SLIT2: variants seen among roughly 807,000 people sequenced by gnomAD.
SLIT2 encodes the protein slit guidance ligand 2.
SLIT2 carries 41 observed loss-of-function variants against 185.7 expected under a neutral mutation model. The observed-to-expected ratio is 0.22, with a 90% CI of 0.17 to 0.29. The LOEUF is 0.29. SLIT2 is among the 10% of genes least tolerant of loss of function. SLIT2 has a pLI of 1.00. For missense variants in SLIT2, 1,571 were observed against 1,909.0 expected (o/e 0.82, Z 3.30); for synonymous variants, 693 against 680.2 (o/e 1.02, Z -0.29).
intron 4 of SLIT2, among the ~76,000 whole-genome samples, chr4:20,351,656 G>C (rs562977054): frequency 6.6e-6 from 1 of 152,098 alleles, no homozygotes; most frequent in Admixed American, 6.6e-5. Context: ...GGGGAAGCAG[G>C]GTCACATGGA....
At chr4:20,280,552 A>G (rs1363712792) in intron 4 of SLIT2, among the ~76,000 whole-genome samples, 1 of 152,094 alleles carries the variant, frequency 6.6e-6, no homozygotes, top group African/African-American at 2.4e-5. Context: ...ATTTAGCAGA[A>G]GGCCTCCAAG....
At position 20,608,916 on chromosome 4, in the gene SLIT2, C is replaced by G. The variant is rs139082715; in HGVS notation, c.3693-1097C>G. The stretch of plus-strand genomic sequence containing the variant: ...CATGTTGGAGCCTTTTTCAGTCTTC[C>G]CAGTATCCCAGCATGTTAGATCTTT... On this transcript the variant is annotated intron_variant, in intron 33 of 36. Transcript: ENST00000504154. Among the ~76,000 whole-genome samples, 22 of 152,214 alleles carry G rather than the reference C, an allele frequency of 1.4e-4. No homozygotes were observed. In the East Asian group the frequency reaches 3.3e-3, roughly 23 times the overall value.
chr4:20,325,613 A>T (rs1310540946), intron 4 of SLIT2, among the ~76,000 whole-genome samples: 1 of 152,106 alleles, frequency 6.6e-6, no homozygotes, highest in Non-Finnish European at 1.5e-5. Flanking sequence ...GCATGTACTT[A>T]TTTTAAAGCA....
chr4:20,566,182 CTT>C (rs1303656225), intron 26 of SLIT2, among the ~76,000 whole-genome samples: 39 of 152,102 alleles, frequency 2.6e-4, no homozygotes, highest in African/African-American at 9.4e-4. Flanking sequence ...ATCCACATAA[CTT>C]TGCTAGAAAT....
chr4:20,567,811 G>A (rs887410614), intron 28 of SLIT2, among the ~76,000 whole-genome samples, 196 bp downstream of exon 28: 1 of 152,034 alleles, frequency 6.6e-6, no homozygotes, highest in Non-Finnish European at 1.5e-5. Flanking sequence ...CTCAGCACAG[G>A]ATGCTACAAA....
rs187913711 is a variant in SLIT2 at position 20,372,107 on chromosome 4, C to T, written c.396-95645C>T. On this transcript the variant is annotated intron_variant, in intron 4 of 36. Transcript: ENST00000504154. ...CCCACTTTTAGAGTTTAACATCTTA[C>T]ATTTACTGAGTACTCTTTATAGGTA... is the stretch of plus-strand genomic sequence containing the variant. Among the ~76,000 whole-genome samples, 6 of 152,234 alleles carry T rather than the reference C, an allele frequency of 3.9e-5. No individual in the cohort carries two copies. In the East Asian group the frequency reaches 1.2e-3, roughly 29 times the overall value.
intron 4 of SLIT2, among the ~76,000 whole-genome samples, chr4:20,304,220 T>G (rs1717322767): frequency 6.6e-6 from 1 of 152,180 alleles, no homozygotes; most frequent in Non-Finnish European, 1.5e-5. Flanking sequence ...TGAATGATGC[T>G]ACTTATCCCC....
intron 3 of SLIT2, among the ~76,000 whole-genome samples, chr4:20,261,635 A>G (rs980487091): frequency 6.6e-6 from 1 of 151,878 alleles, no homozygotes; most frequent in African/African-American, 2.4e-5. Flanking sequence ...AATTTCCTTG[A>G]TAATACAAAT....
intron 4 of SLIT2, among the ~76,000 whole-genome samples, chr4:20,312,217 T>C (rs2109137604): frequency 6.6e-6 from 1 of 152,316 alleles, no homozygotes; most frequent in African/African-American, 2.4e-5. Flanking sequence ...AGTTACAGTA[T>C]GGAAAATTTG....
rs115439099 is a variant in SLIT2, at chr4:20,299,688, T to G, written c.395+30807T>G. ...TTTTTAGTTTTGTGATGTGAGGTGA[T>G]GTGATGGTCAAAAATGTGGACTTTT... On this transcript the variant is annotated intron_variant, in intron 4 of 36. Coordinates refer to ENST00000504154, the MANE Select transcript of SLIT2 (RefSeq NM_004787.4). 4.1e-3 allele frequency among the ~76,000 whole-genome samples: 627 copies of G among 151,574 alleles called. 4 individuals carry two copies. The highest frequency in any genetic ancestry group is 0.014 in the African/African-American group (580 of 41,406).
chr4:20,617,733 GAA>G (rs66600811), intron 36 of SLIT2, 83 bp downstream of exon 36: 21,817 of 490,012 alleles, frequency 0.045, 5 homozygotes, highest in East Asian at 0.09. Flanking sequence ...GAGAAAAAGT[GAA>G]AAAAAAAAAA....
At chr4:20,432,068 TGAAG>T (rs943832758) in intron 4 of SLIT2, among the ~76,000 whole-genome samples, 13 of 151,606 alleles carry the variant, frequency 8.6e-5, no homozygotes, top group Admixed American at 4.0e-4. Flanking sequence ...TGTGAATGAA[TGAAG>T]GAAGGAAGGA....
At chr4:20,259,683 T>C (rs1030120264) in intron 3 of SLIT2, among the ~76,000 whole-genome samples, 11 of 151,936 alleles carry the variant, frequency 7.2e-5, no homozygotes, top group African/African-American at 2.6e-4. Flanking sequence ...TGTAAGTAGG[T>C]ACTATTTTTT....
At position 20,300,927 on chromosome 4, in the gene SLIT2, T is replaced by A. The variant is rs542503536; in HGVS notation, c.395+32046T>A. ...TTTGATTTTGAAAAAAAAATGGATA[T>A]GGTATACATCGTTTTCTAATTTTAA... On this transcript the variant is annotated intron_variant, in intron 4 of 36. Transcript: ENST00000504154. Among the ~76,000 whole-genome samples the A allele has an allele frequency of 2.0e-5, 3 of 152,232 alleles. No individual in the cohort carries two copies. The South Asian group carries it at 6.2e-4, about 32-fold the overall frequency.
chr4:20,340,631 C>G (rs1282664782), intron 4 of SLIT2, among the ~76,000 whole-genome samples: 1 of 152,012 alleles, frequency 6.6e-6, no homozygotes, highest in Non-Finnish European at 1.5e-5. Flanking sequence ...GATGGAGTCT[C>G]GCTCTGTCCC....
intron 4 of SLIT2, among the ~76,000 whole-genome samples, chr4:20,388,887 ACAT>A (rs1310580196): frequency 8.5e-4 from 124 of 146,408 alleles, no homozygotes; most frequent in African/African-American, 2.9e-3. Context: ...TATATATAAA[ACAT>A]AATATATATA....
intron 26 of SLIT2, among the ~76,000 whole-genome samples, chr4:20,554,871 G>A (rs1378991268): frequency 6.6e-6 from 1 of 152,098 alleles, no homozygotes; most frequent in Non-Finnish European, 1.5e-5. Context: ...CCCGGCTCAA[G>A]CAATTCTCCT....
At chr4:20,323,208 T>A (rs1719258491) in intron 4 of SLIT2, among the ~76,000 whole-genome samples, 1 of 152,086 alleles carries the variant, frequency 6.6e-6, no homozygotes, top group African/African-American at 2.4e-5. Context: ...AAAAAATGTA[T>A]TGTAACCTTG....
chr4:20,283,145 A>C (rs1003623069), intron 4 of SLIT2, among the ~76,000 whole-genome samples: 3 of 144,658 alleles, frequency 2.1e-5, no homozygotes, highest in African/African-American at 8.0e-5. Context: ...CACACACACA[A>C]AGTCATTCAA....
Sources: allele counts gnomAD v4.1 joint callset (sites outside exome capture counted in the v4.1 genomes callset), GRCh38; gene constraint gnomAD v4.1.1; transcripts MANE v1.5; gene names NCBI Gene and HGNC (gene_info 2026-07-23, HGNC 2026-07-21).